STK31: variants seen among roughly 807,000 people sequenced by gnomAD.
STK31 encodes the protein serine/threonine-protein kinase 31.
Under a neutral mutation model 129.7 loss-of-function variants are expected in STK31, and 89 were observed. That is an observed-to-expected ratio of 0.69 (90% CI 0.58 to 0.82). STK31 has a LOEUF of 0.82. STK31 is among the 40% of genes least tolerant of loss of function. STK31 has a pLI of 0.00. For synonymous variants in STK31, 448 were observed against 395.3 expected, an observed-to-expected ratio of 1.13 and a Z score of -1.58; for missense variants, 1,187 against 1,176.4, an observed-to-expected ratio of 1.01 and a Z score of -0.13.
chr7:23,828,182 G>T (rs561022116), intron 23 of STK31, among the ~76,000 whole-genome samples: 29 of 152,288 alleles, frequency 1.9e-4, no homozygotes, highest in Admixed American at 3.3e-4. Flanking sequence ...TCTGTGCCCT[G>T]CCCCCAGAGG....
chr7:23,778,454 C>G (rs1282056138), intron 15 of STK31, among the ~76,000 whole-genome samples: 1 of 152,186 alleles, frequency 6.6e-6, no homozygotes, highest in Non-Finnish European at 1.5e-5. Context: ...TCCCTTTTCC[C>G]TGTCACTTTC....
intron 22 of STK31, among the ~76,000 whole-genome samples, chr7:23,792,848 A>C (rs1332707309): frequency 6.6e-6 from 1 of 152,090 alleles, no homozygotes; most frequent in Non-Finnish European, 1.5e-5. Flanking sequence ...ACAAGTGAGC[A>C]CCCCCTGTCT....
intron 16 of STK31, 131 bp downstream of exon 16, chr7:23,781,651 C>A: frequency 1.8e-6 from 1 of 553,144 alleles, no homozygotes; most frequent in South Asian, 3.2e-5. Flanking sequence ...TATATATTGA[C>A]CTGGTAAGAT....
At chr7:23,754,519 A>G in intron 10 of STK31, 45 bp downstream of exon 10, 2 of 1,520,494 alleles carry the variant, frequency 1.3e-6, no homozygotes, top group East Asian at 2.3e-5. Context: ...TCTGTTGAAC[A>G]TAAGGAAGTG....
chr7:23,802,674 C>T (rs1488512082), intron 22 of STK31, among the ~76,000 whole-genome samples: 4 of 152,110 alleles, frequency 2.6e-5, no homozygotes, highest in Non-Finnish European at 4.4e-5. Flanking sequence ...CCACCACACT[C>T]GGCTAATTTT....
chr7:23,769,161 A>C lies in STK31; in HGVS notation c.1583A>C (p.Gln528Pro). The C allele has an allele frequency of 6.3e-7, 1 of 1,583,354 alleles. No individual in the cohort carries two copies. Among genetic ancestry groups the C allele is most frequent in the African/African-American group, 1.4e-5 (1 of 73,454 alleles). ...CTGCACCGTCTTGTAGCATGGTTCC[A>C]AAGAACCTTAAAGGTAATAAAAGCT... ...ASLHRLVAWF[Q>P]RTLKVFDLSV... Residue 528 changes from glutamine to proline, a missense_variant, in exon 12 of 24, where the codon CAA becomes CCA. By Grantham distance (76) the Gln-to-Pro change is moderately conservative. Coordinates refer to ENST00000355870, the MANE Select transcript of STK31 (RefSeq NM_031414.5).
At chr7:23,797,002 C>A (rs1322562990) in intron 22 of STK31, among the ~76,000 whole-genome samples, 2 of 151,442 alleles carry the variant, frequency 1.3e-5, no homozygotes, top group Non-Finnish European at 3.0e-5. Context: ...CAACAAAGAT[C>A]AAGAAAGTGT....
At chr7:23,805,425 T>A (rs1175226272) in intron 22 of STK31, among the ~76,000 whole-genome samples, 4 of 152,202 alleles carry the variant, frequency 2.6e-5, no homozygotes, top group South Asian at 2.1e-4. Context: ...ATAACTTTTT[T>A]AAAGGCATTA....
intron 10 of STK31, among the ~76,000 whole-genome samples, chr7:23,757,434 A>C (rs1584394382): frequency 6.6e-6 from 1 of 152,150 alleles, no homozygotes; most frequent in Non-Finnish European, 1.5e-5. Context: ...ATGTGGCAGG[A>C]CAATAGGGTA....
At position 23,771,446 on chromosome 7, in the gene STK31, TTAGAG is replaced by T. The variant is rs1166201426; in HGVS notation, c.1833+325_1833+329del. The stretch of plus-strand genomic sequence containing the variant: ...AATTCCCTTAGCCTAAGAGATAGTT[TTAGAG>T]TATTTACTCACTGGATGTGCATCTG... On this transcript the variant is annotated intron_variant, in intron 14 of 23. Coordinates refer to ENST00000355870, the MANE Select transcript of STK31 (RefSeq NM_031414.5). 5 of 168,228 alleles carry T rather than the reference TTAGAG, an allele frequency of 3.0e-5. No homozygotes were observed. In the East Asian group the frequency reaches 8.3e-4, roughly 28 times the overall value. The allele number at this position is 168,228 out of a possible 1,614,324, so 10.4% of individuals were successfully genotyped here. A position where few individuals can be genotyped will look rare whatever the true frequency, so the allele number is the denominator to read the frequency against.
intron 22 of STK31, among the ~76,000 whole-genome samples, chr7:23,804,749 T>G (rs1487788961): frequency 6.6e-6 from 1 of 152,204 alleles, no homozygotes; most frequent in African/African-American, 2.4e-5. Flanking sequence ...TTTGTGAATC[T>G]CTACAATTGT....
At position 23,716,432 on chromosome 7, in the gene STK31, T is replaced by G. The variant is rs1786329443; in HGVS notation, c.151-1049T>G. On this transcript the variant is annotated intron_variant, in intron 3 of 23. Coordinates refer to ENST00000355870, the MANE Select transcript of STK31 (RefSeq NM_031414.5). Reference sequence around the variant, plus strand: ...TAAAGTTACTCTTTTCTTTTGTAATTAATTAATGTTTTAGGAGACTTATTG... The same window carrying G: ...TAAAGTTACTCTTTTCTTTTGTAATGAATTAATGTTTTAGGAGACTTATTG... 2.0e-5 allele frequency among the ~76,000 whole-genome samples: 3 copies of G among 152,164 alleles called. 1 individual carries two copies.
intron 23 of STK31, among the ~76,000 whole-genome samples, chr7:23,818,855 C>A (rs1015929999): frequency 2.6e-5 from 4 of 152,078 alleles, no homozygotes; most frequent in African/African-American, 9.7e-5. Context: ...GAACTCTTGA[C>A]CTCAAGTGAT....
At chr7:23,784,441 G>A (rs934755438) in intron 17 of STK31, among the ~76,000 whole-genome samples, 2 of 151,986 alleles carry the variant, frequency 1.3e-5, no homozygotes, top group African/African-American at 4.8e-5. Flanking sequence ...GTTTTTTCTT[G>A]CAACTATTTA....
rs199698256 is a variant in STK31 at position 23,762,906 on chromosome 7, C to T, written c.1399C>T (p.Arg467Cys). Reference protein sequence around the residue: ...LEVDESSLNKRLKTLQDLSVS... With the variant: ...LEVDESSLNKCLKTLQDLSVS... ...AGTTGATGAGTCATCTCTTAATAAA[C>T]GCTTAAAAACATTGCAGGTTGGAAT... Residue 467 changes from arginine to cysteine, a missense_variant, in exon 11 of 24, where the codon CGC becomes TGC. By Grantham distance (180) the Arg-to-Cys change is radical (BLOSUM62 -3). Around this residue, in one of 5 missense-constraint regions of STK31, gnomAD observed 975 missense variants for 934.9 expected, o/e 1.04. Coordinates refer to ENST00000355870, the MANE Select transcript of STK31 (RefSeq NM_031414.5). 319 of 1,579,400 alleles carry T rather than the reference C, an allele frequency of 2.0e-4. No homozygotes were observed. Among genetic ancestry groups the T allele is most frequent in the Non-Finnish European group, 2.6e-4 (302 of 1,167,152 alleles).
rs542412728 is a variant in STK31 at position 23,766,438 on chromosome 7, G to C, written c.1417-2557G>C. 2.0e-5 allele frequency among the ~76,000 whole-genome samples: 3 copies of C among 152,196 alleles called. No individual in the cohort carries two copies. The East Asian group carries it at 5.8e-4, about 29-fold the overall frequency. On this transcript the variant is annotated intron_variant, in intron 11 of 23. Transcript: ENST00000355870. Reference sequence around the variant, plus strand: ...CCACTGTGCCCGGCTAATTTTAGTAGAGATGGGGTTTCACGATGTTGGCCG... The same window carrying C: ...CCACTGTGCCCGGCTAATTTTAGTACAGATGGGGTTTCACGATGTTGGCCG...
rs753213619 is a variant in STK31 at position 23,832,172 on chromosome 7, T to G, written c.2866T>G (p.Cys956Gly). The G allele has an allele frequency of 4.3e-6, 7 of 1,614,006 alleles. No homozygotes were observed. The African/African-American group carries it at 6.7e-5, about 15-fold the overall frequency. ...KVKSLLCSLI[C>G]YRSSMTAEQV... ...CAAATCCCTCCTCTGTAGCTTGATA[T>G]GTTATAGAAGTTCAATGACTGCTGA... Residue 956 changes from cysteine to glycine, a missense_variant, in exon 24 of 24, where the codon TGT (cysteine) becomes GGT (glycine). This residue lies in a region of STK31 where 975 missense variants were observed against 934.9 expected (regional missense o/e 1.04). Transcript: ENST00000355870.
chr7:23,790,315 C>T (rs912462830), intron 21 of STK31, among the ~76,000 whole-genome samples: 3 of 152,082 alleles, frequency 2.0e-5, no homozygotes, highest in African/African-American at 4.8e-5. Flanking sequence ...TTAAAGCCCT[C>T]GGTCCCACAG....
Position 23,737,094 on chromosome 7 carries a change from T to G in STK31, c.1017+16T>G. On this transcript the variant is annotated intron_variant, in intron 8 of 23. Coordinates refer to ENST00000355870, the MANE Select transcript of STK31 (RefSeq NM_031414.5). ...GGAGCTGCAGGTATGTTCAGTGGCTTAAGGTGAAGAGTGTCCAACTGGGAA... is the reference window on the plus strand; with the variant it reads ...GGAGCTGCAGGTATGTTCAGTGGCTGAAGGTGAAGAGTGTCCAACTGGGAA... The G allele has an allele frequency of 6.3e-7, 1 of 1,582,258 alleles. No individual in the cohort carries two copies. Among genetic ancestry groups the G allele is most frequent in the Non-Finnish European group, 8.5e-7 (1 of 1,170,118 alleles).
Sources: allele counts gnomAD v4.1 joint callset (sites outside exome capture counted in the v4.1 genomes callset), GRCh38; gene constraint gnomAD v4.1.1; regional missense constraint gnomAD v4.1.1; transcripts MANE v1.5; gene names NCBI Gene and HGNC (gene_info 2026-07-23, HGNC 2026-07-21).